The following CBX2 variants were observed in gnomAD, a reference collection of about 807,000 sequenced individuals.
CBX2 encodes chromobox 2.
A neutral mutation model predicts 21.0 loss-of-function variants in CBX2; 11 were observed. That is an observed-to-expected ratio of 0.52 (90% CI 0.33 to 0.87). The LOEUF (loss-of-function observed/expected upper bound fraction) is 0.87. CBX2 is among the 40% of genes least tolerant of loss of function. The probability of loss-of-function intolerance (pLI) is 0.02; values close to 1 mark genes in which losing one functional copy is unlikely to be tolerated. For missense variants in CBX2, 746 were observed against 724.3 expected, an observed-to-expected ratio of 1.03 and a Z score of -0.34; for synonymous variants, 364 against 304.6, an observed-to-expected ratio of 1.19 and a Z score of -2.03.
Position 79,778,688 on chromosome 17 carries a change from C to T in CBX2, c.116+261C>T, listed in dbSNP as rs992806212. Among the ~76,000 whole-genome samples the T allele has an allele frequency of 9.9e-5, 15 of 152,254 alleles. No homozygotes were observed. The highest frequency in any genetic ancestry group is 1.8e-4 in the Non-Finnish European group (12 of 67,994). ...TCCTCGGCTGCCGCGCCGCGCTCCCCCCAACCCCCGTCCCGGCCGGGAGGG... is the reference window on the plus strand; with the variant it reads ...TCCTCGGCTGCCGCGCCGCGCTCCCTCCAACCCCCGTCCCGGCCGGGAGGG... On this transcript the variant is annotated intron_variant, in intron 2 of 4. Coordinates refer to ENST00000310942, the MANE Select transcript of CBX2 (RefSeq NM_005189.3). This position sits in a 1 kb window ranked among gnomAD's most constrained non-coding sequence, Gnocchi z 4.8.
intron 4 of CBX2, among the ~76,000 whole-genome samples, chr17:79,783,413 T>C (rs1907382425): frequency 2.8e-5 from 3 of 107,778 alleles, no homozygotes; most frequent in African/African-American, 1.3e-4. Flanking sequence ...CCTTTATCTT[T>C]TTTTTTTTTT....
At chr17:79,781,931 G>A (rs377211900) in intron 4 of CBX2, 130 bp downstream of exon 4, 19 of 1,614,058 alleles carry the variant, frequency 1.2e-5, no homozygotes, top group East Asian at 6.7e-5. Flanking sequence ...CCCTCTACTC[G>A]GAAAACAGGA....
intron 4 of CBX2, chr17:79,782,675 T>C (rs1423442095): frequency 4.2e-6 from 1 of 236,706 alleles, no homozygotes; most frequent in Admixed American, 5.8e-5. Context: ...AAATCTTCCT[T>C]TTGAGCAGGA....
intron 3 of CBX2, 194 bp downstream of exon 3, chr17:79,779,621 T>A: frequency 1.6e-6 from 1 of 618,796 alleles, no homozygotes; most frequent in Non-Finnish European, 2.9e-6. Flanking sequence ...CACCTTCTCC[T>A]AGCCAGCCTG....
chr17:79,782,190 A>G (rs1555830561), intron 4 of CBX2: 2 of 1,611,924 alleles, frequency 1.2e-6, no homozygotes, highest in South Asian at 2.2e-5. Flanking sequence ...TCAAAAGCCT[A>G]AGATTTGGGG....
At chr17:79,782,283 A>C (rs1048617936) in intron 4 of CBX2, 9 of 1,540,316 alleles carry the variant, frequency 5.8e-6, no homozygotes, top group Admixed American at 2.0e-5. Context: ...AGGGGGTGCC[A>C]GGAGGGGCCT....
chr17:79,783,001 G>C (rs1204214683), intron 4 of CBX2, among the ~76,000 whole-genome samples: 3 of 152,312 alleles, frequency 2.0e-5, no homozygotes. Context: ...AGCCCACTTG[G>C]TGTAGGCTGC....
intron 3 of CBX2, 120 bp downstream of exon 3, chr17:79,779,547 A>T (rs1168331810): frequency 5.8e-6 from 5 of 869,134 alleles, no homozygotes; most frequent in Non-Finnish European, 9.5e-6. Context: ...GAGGTCCCTT[A>T]GCAAGATTGT....
At position 79,784,112 on chromosome 17, in the gene CBX2, C is replaced by T. The variant is rs372276005; in HGVS notation, c.669C>T (p.Gly223=). 503 of 1,611,444 alleles carry T rather than the reference C, an allele frequency of 3.1e-4. No individual in the cohort carries two copies. The highest frequency in any genetic ancestry group is 3.9e-4 in the Non-Finnish European group (465 of 1,179,232). Reference sequence around the variant, plus strand: ...AGGCCCACGCCAAGGAGGCCTGTGGCGGCCCCAGTGCCATGGCCACCCCAG... The same window carrying T: ...AGGCCCACGCCAAGGAGGCCTGTGGTGGCCCCAGTGCCATGGCCACCCCAG... ...ALKAHAKEAC[G]GPSAMATPEN... is the part of the protein sequence containing the mutation. Residue 223 remains glycine, a synonymous_variant, in exon 5 of 5, where the codon GGC becomes GGT. Transcript: ENST00000310942. This position sits in a 1 kb window ranked among gnomAD's most constrained non-coding sequence, Gnocchi z 5.9.
chr17:79,782,587 G>T, intron 4 of CBX2: 1 of 810,302 alleles, frequency 1.2e-6, no homozygotes. Flanking sequence ...TGCCTTTCCA[G>T]GAGGATTTCC....
At chr17:79,781,093 A>G (rs1555830115) in intron 3 of CBX2, among the ~76,000 whole-genome samples, 2 of 151,946 alleles carry the variant, frequency 1.3e-5, no homozygotes, top group African/African-American at 4.8e-5. Context: ...GCGTGCATTG[A>G]GCCTTGCCTG....
rs375170872 is a variant in CBX2 at position 79,781,784 on chromosome 17, C to G, written c.271C>G (p.Arg91Gly). ...GCTCACTGCCATGTCCTCCTGCAGC[C>G]GGCGCTCCAAGCTCAAGGTGGGTGG... is the stretch of plus-strand genomic sequence containing the variant. Reference protein sequence around the residue: ...RKLTAMSSCSRRSKLKEPDAP... With the variant: ...RKLTAMSSCSGRSKLKEPDAP... The change falls in exon 4 of 5, where the codon CGG becomes GGG. Residue 91 changes from arginine to glycine, a missense_variant. Arg to Gly is a moderately radical substitution (Grantham distance 125). Coordinates refer to ENST00000310942, the MANE Select transcript of CBX2 (RefSeq NM_005189.3). 5.6e-6 allele frequency: 9 copies of G among 1,613,996 alleles called. No homozygotes were observed. Among genetic ancestry groups the G allele is most frequent in the African/African-American group, 1.3e-5 (1 of 74,916 alleles).
At chr17:79,782,196 T>G in intron 4 of CBX2, 2 of 1,611,088 alleles carry the variant, frequency 1.2e-6, no homozygotes, top group Non-Finnish European at 1.7e-6. Context: ...GCCTAAGATT[T>G]GGGGGCTACT....
At position 79,778,478 on chromosome 17, in the gene CBX2, G is replaced by GGGA; in HGVS notation, c.116+53_116+54insAGG. 2 of 1,304,104 alleles carry GGGA rather than the reference G, an allele frequency of 1.5e-6. No homozygotes were observed. The highest frequency in any genetic ancestry group is 1.0e-6 in the Non-Finnish European group (1 of 960,844). 80.8% of individuals were successfully genotyped at this position (1,304,104 alleles called of 1,614,324 possible). A position where few individuals can be genotyped will look rare whatever the true frequency, so the allele number is the denominator to read the frequency against. ...CCCTCCCGCCCCCTCGCCCGGGGGTGGGGACGTGGAGCCCCTCGGCCGCGC... is the reference window on the plus strand; with the variant it reads ...CCCTCCCGCCCCCTCGCCCGGGGGTGGGAGGGACGTGGAGCCCCTCGGCCGCGC... On this transcript the variant is annotated intron_variant, in intron 2 of 4. Coordinates refer to ENST00000310942, the MANE Select transcript of CBX2 (RefSeq NM_005189.3). The surrounding 1 kb of genome is among the most constrained non-coding windows in gnomAD (Gnocchi z 4.8).
chr17:79,784,477 C>A lies in CBX2; in HGVS notation c.1034C>A (p.Pro345Gln). The A allele has an allele frequency of 6.2e-7, 1 of 1,612,636 alleles. No homozygotes were observed. Among genetic ancestry groups the A allele is most frequent in the South Asian group, 1.1e-5 (1 of 91,064 alleles). ...RVPAGCPGPQ[P>Q]APTQELSLQV... ...CCTGCTGGGTGCCCAGGCCCCCAGC[C>A]AGCACCCACCCAGGAGCTGAGCCTC... The change falls in exon 5 of 5, where the codon CCA becomes CAA. Residue 345 changes from proline to glutamine, a missense_variant. Physicochemically the swap from Pro to Gln is moderately conservative, Grantham distance 76. Coordinates refer to ENST00000310942, the MANE Select transcript of CBX2 (RefSeq NM_005189.3). The surrounding 1 kb of genome is among the most constrained non-coding windows in gnomAD (Gnocchi z 5.9).
upstream of CBX2, among the ~76,000 whole-genome samples, chr17:79,777,947 G>T (rs1379156615): frequency 1.4e-5 from 2 of 144,346 alleles, no homozygotes; most frequent in Non-Finnish European, 3.1e-5. Flanking sequence ...CCCCGCCCGG[G>T]GCCCCGCGCG....
chr17:79,786,934 T>G lies in CBX2; in HGVS notation c.*1892T>G, dbSNP rs1208161184. 1.3e-5 allele frequency: 2 copies of G among 152,718 alleles called. No homozygotes were observed. The highest frequency in any genetic ancestry group is 6.5e-5 in the Admixed American group (1 of 15,296). The allele number at this position is 152,718 out of a possible 1,614,324, so 9.5% of individuals were successfully genotyped here. ...ATGGCTTCGTTGAGGGCCATCCATA[T>G]GCCAGCTGGGGGCCAGCCCACAGTG... On this transcript the variant is annotated 3_prime_UTR_variant, in exon 5 of 5. Transcript: ENST00000310942.
rs782455267 is a variant in CBX2 at position 79,781,697 on chromosome 17, G to A, written c.184G>A (p.Glu62Lys). The change falls in exon 4 of 5, where the codon GAA becomes AAA. Residue 62 changes from glutamate to lysine, a missense_variant and splice_region_variant. By Grantham distance (56) the Glu-to-Lys change is moderately conservative. This residue lies in a region of CBX2 where 701 missense variants were observed against 650.7 expected (regional missense o/e 1.08). Coordinates refer to ENST00000310942, the MANE Select transcript of CBX2 (RefSeq NM_005189.3). ...PRLLLAFQKK[E>K]HEKEVQNRKR... ...CATTAACTAGTGGTGTGCCTTCAGG[G>A]AACATGAGAAGGAGGTGCAGAACCG... 1.2e-6 allele frequency: 2 copies of A among 1,613,310 alleles called. No individual in the cohort carries two copies. The highest frequency in any genetic ancestry group is 3.3e-5 in the Admixed American group (2 of 60,032).
chr17:79,783,126 T>A (rs1005348016), intron 4 of CBX2, among the ~76,000 whole-genome samples: 26 of 152,174 alleles, frequency 1.7e-4, no homozygotes, highest in African/African-American at 5.3e-4. Context: ...TAAATCTGCA[T>A]CCCCCTTGAA....
Sources: allele counts gnomAD v4.1 joint callset (sites outside exome capture counted in the v4.1 genomes callset), GRCh38; gene constraint gnomAD v4.1.1; regional missense constraint gnomAD v4.1.1; non-coding constraint Gnocchi (gnomAD v3.1); transcripts MANE v1.5; gene names NCBI Gene and HGNC (gene_info 2026-07-23, HGNC 2026-07-21).